TCAIM: variants seen among roughly 807,000 people sequenced by gnomAD.
TCAIM encodes T cell activation inhibitor, mitochondrial.
In TCAIM, 36 loss-of-function variants were observed where a neutral mutation model predicts 58.6. The observed-to-expected ratio is 0.61, with a 90% CI of 0.47 to 0.81. TCAIM has a LOEUF of 0.81. Among genes scored for constraint, TCAIM ranks in the 30% least tolerant of loss-of-function variants. The probability of loss-of-function intolerance (pLI) is 0.00; values close to 1 mark genes in which losing one functional copy is unlikely to be tolerated. For synonymous variants in TCAIM, 172 were observed against 193.6 expected, an observed-to-expected ratio of 0.89 and a Z score of 0.93; for missense variants, 466 against 579.6, an observed-to-expected ratio of 0.80 and a Z score of 2.01.
intron 5 of TCAIM, among the ~76,000 whole-genome samples, chr3:44,389,944 G>T (rs1386038865): frequency 6.6e-6 from 1 of 152,040 alleles, no homozygotes; most frequent in Non-Finnish European, 1.5e-5. Flanking sequence ...TAATATGATT[G>T]ACATGCCATT....
intron 1 of TCAIM, among the ~76,000 whole-genome samples, chr3:44,348,907 C>G (rs1575236712): frequency 6.6e-6 from 1 of 152,160 alleles, no homozygotes; most frequent in Non-Finnish European, 1.5e-5. Context: ...TTGACTATGC[C>G]TTTAGCTCCA....
chr3:44,352,401 A>G (rs956785001), intron 1 of TCAIM, among the ~76,000 whole-genome samples: 1 of 152,206 alleles, frequency 6.6e-6, no homozygotes, highest in Non-Finnish European at 1.5e-5. Context: ...AAAGAGCTAC[A>G]TTATTGGAAA....
At chr3:44,358,947 T>C (rs1003470173) in intron 3 of TCAIM, 4 of 985,298 alleles carry the variant, frequency 4.1e-6, no homozygotes, top group African/African-American at 1.7e-5. Context: ...GTCAGAACTT[T>C]TCAAAGTAAT....
At chr3:44,392,825 A>G in intron 5 of TCAIM, 30 bp from the exon 6 acceptor site, 1 of 1,592,260 alleles carries the variant, frequency 6.3e-7, no homozygotes. Context: ...TATAGTTAGT[A>G]TTGTAAAGTA....
chr3:44,359,135 C>T, intron 3 of TCAIM: 1 of 953,256 alleles, frequency 1.0e-6, no homozygotes, highest in Non-Finnish European at 1.2e-6. Context: ...CCTGTAGTCC[C>T]AGCTACTAGG....
intron 1 of TCAIM, among the ~76,000 whole-genome samples, chr3:44,351,083 A>C (rs1439613744): frequency 6.6e-6 from 1 of 152,192 alleles, no homozygotes; most frequent in African/African-American, 2.4e-5. Context: ...GCTCACTGCA[A>C]CATCTGCCTC....
intron 5 of TCAIM, chr3:44,367,932 C>T: frequency 2.3e-6 from 1 of 430,212 alleles, no homozygotes; most frequent in South Asian, 4.7e-5. Flanking sequence ...AAAATACTTC[C>T]AACTGTATTT....
At chr3:44,380,242 C>A (rs896799477) in intron 5 of TCAIM, among the ~76,000 whole-genome samples, 3 of 152,062 alleles carry the variant, frequency 2.0e-5, no homozygotes, top group African/African-American at 7.2e-5. Context: ...AGTTTACAAT[C>A]ATCAATCGTG....
intron 5 of TCAIM, among the ~76,000 whole-genome samples, chr3:44,373,508 G>A (rs1366741132): frequency 6.7e-6 from 1 of 149,456 alleles, no homozygotes; most frequent in African/African-American, 2.5e-5. Flanking sequence ...AAAAAAAATA[G>A]CCAGGCGTGA....
intron 10 of TCAIM, among the ~76,000 whole-genome samples, chr3:44,402,420 ATG>A (rs10540281): frequency 0.18 from 27,883 of 152,058 alleles, 2,775 homozygotes; most frequent in Middle Eastern, 0.29. Flanking sequence ...AAAAAAATAT[ATG>A]TATCATTTTA....
At chr3:44,383,809 C>CAAAAAAAAA in intron 5 of TCAIM, among the ~76,000 whole-genome samples, 1 of 95,384 alleles carries the variant, frequency 1.0e-5, no homozygotes. Flanking sequence ...CCTGTCTCTA[C>CAAAAAAAAA]AAAAAAAAAA....
At position 44,396,444 on chromosome 3, in the gene TCAIM, A is replaced by G; in HGVS notation, c.740A>G (p.His247Arg). The change falls in exon 7 of 11, where the codon CAT (histidine) becomes CGT (arginine). Residue 247 changes from histidine (H) to arginine (R), a missense_variant. Coordinates refer to ENST00000342649, the MANE Select transcript of TCAIM (RefSeq NM_173826.4). ...ATCGCCCACCGCTGTAGCCAGCTGC[A>G]TAGTTTAAGCCGCTTAGCACAGCAG... is the stretch of plus-strand genomic sequence containing the variant. ...WGIAHRCSQLHSLSRLAQQNL... is the reference protein window; with the variant it reads ...WGIAHRCSQLRSLSRLAQQNL... 1.2e-6 allele frequency: 2 copies of G among 1,613,976 alleles called. No individual in the cohort carries two copies. The highest frequency in any genetic ancestry group is 1.7e-6 in the Non-Finnish European group (2 of 1,180,004).
chr3:44,387,424 C>G (rs1478827390), intron 5 of TCAIM, among the ~76,000 whole-genome samples: 1 of 152,288 alleles, frequency 6.6e-6, no homozygotes, highest in East Asian at 1.9e-4. Context: ...CTGGGCTCCC[C>G]AAACCAGGGC....
intron 3 of TCAIM, 91 bp from the exon 4 acceptor site, chr3:44,361,274 C>T: frequency 9.0e-7 from 1 of 1,107,152 alleles, no homozygotes; most frequent in Non-Finnish European, 1.2e-6. Flanking sequence ...TTATTTAATA[C>T]TCTCAATGTG....
At chr3:44,399,810 A>T (rs1701994358) in intron 8 of TCAIM, among the ~76,000 whole-genome samples, 1 of 152,116 alleles carries the variant, frequency 6.6e-6, no homozygotes, top group Non-Finnish European at 1.5e-5. Flanking sequence ...CTAAATTCGG[A>T]TTTTTGTTTC....
Position 44,361,437 on chromosome 3 carries a change from T to C in TCAIM, c.238T>C (p.Leu80=), listed in dbSNP as rs1267884480. 6.2e-7 allele frequency: 1 copy of C among 1,613,266 alleles called. No individual in the cohort carries two copies. Among genetic ancestry groups the C allele is most frequent in the Admixed American group, 1.7e-5 (1 of 59,892 alleles). The change falls in exon 4 of 11, where the codon TTG becomes CTG. Residue 80 remains leucine (L), a synonymous_variant. Coordinates refer to ENST00000342649, the MANE Select transcript of TCAIM (RefSeq NM_173826.4). The stretch of plus-strand genomic sequence containing the variant: ...CCTCCAGAAACCAGGCTTCAAGTCT[T>C]TGAAACCAACTCAGCTTACATTTTA... ...ENLQKPGFKS[L]KPTQLTFYVR... is the part of the protein sequence containing the mutation.
At chr3:44,362,411 G>A (rs975364934) in intron 4 of TCAIM, 8 of 400,676 alleles carry the variant, frequency 2.0e-5, no homozygotes, top group Admixed American at 1.3e-4. Context: ...ACCCTCCCCC[G>A]GCTCTCAGGA....
intron 4 of TCAIM, among the ~76,000 whole-genome samples, 163 bp from the exon 5 acceptor site, chr3:44,367,293 G>C (rs1701394859): frequency 6.6e-6 from 1 of 152,212 alleles, no homozygotes. Context: ...AAATAGTGTG[G>C]TGTAGTTTTA....
Position 44,400,412 on chromosome 3 carries a change from G to C in TCAIM, c.943G>C (p.Asp315His), listed in dbSNP as rs751177145. Residue 315 changes from aspartate (D) to histidine (H), a missense_variant, in exon 9 of 11, where the codon GAC becomes CAC. Coordinates refer to ENST00000342649, the MANE Select transcript of TCAIM (RefSeq NM_173826.4). ...TCAGAGGAGGCTGATGATTTTAGAAGACCAAATAAGCTATCTTTTAGGTGG... is the reference window on the plus strand; with the variant it reads ...TCAGAGGAGGCTGATGATTTTAGAACACCAAATAAGCTATCTTTTAGGTGG... ...DLQRRLMILE[D>H]QISYLLGGIQ... The C allele has an allele frequency of 6.2e-7, 1 of 1,613,632 alleles. No homozygotes were observed. The highest frequency in any genetic ancestry group is 1.3e-5 in the African/African-American group (1 of 74,906).
Sources: gnomAD v4.1 joint callset for allele counts (sites outside exome capture counted in the v4.1 genomes callset) on GRCh38, gnomAD v4.1.1 for gene constraint, MANE v1.5 for transcripts, NCBI Gene and HGNC (gene_info 2026-07-23, HGNC 2026-07-21) for gene names.